KCNIP1: variants seen among roughly 807,000 people sequenced by gnomAD.
The protein encoded by KCNIP1 is A-type potassium channel modulatory protein KCNIP1.
A neutral mutation model predicts 33.0 loss-of-function variants in KCNIP1; 18 were observed. The ratio of observed to expected loss-of-function variants is 0.55; its 90% CI spans 0.38 to 0.81. The LOEUF is 0.81. Ranked by LOEUF, KCNIP1 falls within the 30% of genes least tolerant of loss-of-function variation. KCNIP1 has a pLI of 0.00. For missense variants in KCNIP1, 238 were observed against 271.6 expected, an observed-to-expected ratio of 0.88 and a Z score of 0.87; for synonymous variants, 93 against 98.3, an observed-to-expected ratio of 0.95 and a Z score of 0.32.
At chr5:170,645,819 A>G (rs1351915444) in intron 1 of KCNIP1, among the ~76,000 whole-genome samples, 1 of 152,242 alleles carries the variant, frequency 6.6e-6, no homozygotes, top group Non-Finnish European at 1.5e-5. Context: ...ACAAGGAGAT[A>G]GCAAGAAAAT....
chr5:170,371,098 C>T (rs945166153), intron 1 of KCNIP1, among the ~76,000 whole-genome samples: 7 of 152,160 alleles, frequency 4.6e-5, no homozygotes, highest in Admixed American at 1.3e-4. Context: ...GGAGCTGTGC[C>T]GGTGTACCAG....
intron 1 of KCNIP1, among the ~76,000 whole-genome samples, chr5:170,570,260 C>A (rs1757356786): frequency 6.6e-6 from 1 of 152,188 alleles, no homozygotes; most frequent in Admixed American, 6.5e-5. Context: ...ATCTTGGATA[C>A]CTGATCAATG....
intron 1 of KCNIP1, among the ~76,000 whole-genome samples, chr5:170,614,931 A>G (rs1759308110): frequency 6.6e-6 from 1 of 152,204 alleles, no homozygotes; most frequent in African/African-American, 2.4e-5. Context: ...AAAACAGAAC[A>G]TGGGCCGGGT....
chr5:170,497,310 C>G (rs112011291), intron 1 of KCNIP1, among the ~76,000 whole-genome samples: 47 of 152,330 alleles, frequency 3.1e-4, no homozygotes, highest in African/African-American at 1.1e-3. Context: ...ATCCTCATAG[C>G]AACCCTAAGA....
chr5:170,699,039 C>A (rs1762998500), intron 1 of KCNIP1, among the ~76,000 whole-genome samples: 1 of 152,132 alleles, frequency 6.6e-6, no homozygotes, highest in African/African-American at 2.4e-5. Flanking sequence ...CACATCCATC[C>A]CAGGGCCGCT....
intron 1 of KCNIP1, among the ~76,000 whole-genome samples, chr5:170,534,337 T>G (rs905924740): frequency 2.6e-5 from 4 of 152,056 alleles, no homozygotes; most frequent in African/African-American, 9.7e-5. Flanking sequence ...AGCCAGCTAC[T>G]CAGGAGAATG....
chr5:170,405,698 A>T (rs1262819363), intron 1 of KCNIP1, among the ~76,000 whole-genome samples: 1 of 152,212 alleles, frequency 6.6e-6, no homozygotes, highest in African/African-American at 2.4e-5. Flanking sequence ...TGTGGTACAT[A>T]ACGATTGGTT....
intron 1 of KCNIP1, among the ~76,000 whole-genome samples, chr5:170,511,962 C>T (rs1581257180): frequency 6.6e-6 from 1 of 152,204 alleles, no homozygotes; most frequent in East Asian, 1.9e-4. Flanking sequence ...TCATTAGCCA[C>T]ACGGAACAAC....
At chr5:170,451,175 T>A (rs1756240111) in intron 1 of KCNIP1, among the ~76,000 whole-genome samples, 1 of 152,320 alleles carries the variant, frequency 6.6e-6, no homozygotes, top group East Asian at 1.9e-4. Flanking sequence ...CACTTCGTAG[T>A]CATGTCTAAA....
chr5:170,376,252 C>A (rs891030828), intron 1 of KCNIP1: 2 of 150,768 alleles, frequency 1.3e-5, no homozygotes, highest in Non-Finnish European at 2.9e-5. Flanking sequence ...GCTCCGCCTC[C>A]CGGGTTCACG....
intron 1 of KCNIP1, among the ~76,000 whole-genome samples, chr5:170,714,480 C>G (rs1297612261): frequency 6.6e-6 from 1 of 152,154 alleles, no homozygotes; most frequent in Admixed American, 6.5e-5. Flanking sequence ...ATGTGTTTAA[C>G]AGATACAGAA....
At chr5:170,626,417 G>T (rs6861734) in intron 1 of KCNIP1, among the ~76,000 whole-genome samples, 30,588 of 152,088 alleles carry the variant, frequency 0.2, 3,422 homozygotes, top group African/African-American at 0.28. Flanking sequence ...GGGGAAGGCA[G>T]TCTGCCCCCC....
intron 1 of KCNIP1, among the ~76,000 whole-genome samples, chr5:170,682,334 G>A (rs779190381): frequency 2.6e-5 from 4 of 152,170 alleles, no homozygotes; most frequent in Non-Finnish European, 4.4e-5. Flanking sequence ...AGGTTTCTTT[G>A]AATTCAGTTT....
In KCNIP1 at chr5:170,466,413, T is replaced by C. The variant is rs182094581; in HGVS notation, c.88+112449T>C. ...GGTGAAGATCTAACCCTAGCAGTCA[T>C]CTGCAAAGAGATGGTAATAAAATAA... On this transcript the variant is annotated intron_variant, in intron 1 of 7. Transcript: ENST00000377360. 4.8e-4 allele frequency among the ~76,000 whole-genome samples: 73 copies of C among 152,270 alleles called. 2 individuals are homozygous for C. The South Asian group carries it at 0.014, about 29-fold the overall frequency.
chr5:170,576,261 AC>A (rs964534965), intron 1 of KCNIP1, among the ~76,000 whole-genome samples: 1 of 152,206 alleles, frequency 6.6e-6, no homozygotes, highest in Admixed American at 6.5e-5. Context: ...TTTGGGCCTC[AC>A]AGTGTATGGT....
intron 1 of KCNIP1, among the ~76,000 whole-genome samples, chr5:170,395,546 C>G (rs923378833): frequency 2.6e-5 from 4 of 152,222 alleles, no homozygotes; most frequent in South Asian, 4.1e-4. Context: ...TTCTCTACCC[C>G]TGAACCACAC....
chr5:170,683,894 A>ATGTGTGTGTGTGTG (rs1168722972), intron 1 of KCNIP1, among the ~76,000 whole-genome samples: 63 of 91,732 alleles, frequency 6.9e-4, no homozygotes, highest in Admixed American at 3.9e-3. Flanking sequence ...CAGCTAGTGT[A>ATGTGTGTGTGTGTG]TGTGTGTGTG....
intron 1 of KCNIP1, among the ~76,000 whole-genome samples, chr5:170,605,225 G>C (rs1758861043): frequency 6.6e-6 from 1 of 152,084 alleles, no homozygotes; most frequent in African/African-American, 2.4e-5. Flanking sequence ...ACCTCCCATG[G>C]GTGCTGCTCA....
intron 1 of KCNIP1, among the ~76,000 whole-genome samples, chr5:170,521,767 A>G (rs1755371888): frequency 6.6e-6 from 1 of 152,246 alleles, no homozygotes; most frequent in South Asian, 2.1e-4. Flanking sequence ...CCTAGGCTAG[A>G]GCAATTATAC....
Sources: allele counts gnomAD v4.1 joint callset (sites outside exome capture counted in the v4.1 genomes callset), GRCh38; gene constraint gnomAD v4.1.1; transcripts MANE v1.5; gene names NCBI Gene and HGNC (gene_info 2026-07-23, HGNC 2026-07-21).